Variants in EPAS1 observed in about 807,000 individuals in gnomAD.
EPAS1 encodes the protein endothelial PAS domain-containing protein 1.
A neutral mutation model predicts 87.9 loss-of-function variants in EPAS1; 23 were observed. The observed-to-expected ratio is 0.26, with a 90% CI of 0.19 to 0.37. The LOEUF (loss-of-function observed/expected upper bound fraction) is 0.37. Ranked by LOEUF, EPAS1 falls within the 10% of genes least tolerant of loss-of-function variation. EPAS1 has a pLI of 1.00. For missense variants in EPAS1, 1,138 were observed against 1,120.7 expected (o/e 1.02, Z -0.22); for synonymous variants, 508 against 444.3 (o/e 1.14, Z -1.80).
intron 1 of EPAS1, among the ~76,000 whole-genome samples, chr2:46,327,081 G>T (rs1186992641): frequency 6.6e-6 from 1 of 152,192 alleles, no homozygotes; most frequent in African/African-American, 2.4e-5. Context: ...CAGGGGCCGT[G>T]CTGACCTTGA....
chr2:46,318,427 T>C (rs1484581560), intron 1 of EPAS1, among the ~76,000 whole-genome samples: 2 of 152,208 alleles, frequency 1.3e-5, no homozygotes, highest in African/African-American at 4.8e-5. Context: ...GCACATACTA[T>C]TGGAAAAATG....
At chr2:46,310,692 A>G (rs1387431390) in intron 1 of EPAS1, among the ~76,000 whole-genome samples, 1 of 152,256 alleles carries the variant, frequency 6.6e-6, no homozygotes, top group Non-Finnish European at 1.5e-5. Context: ...ATACCTGAAC[A>G]CTGTGGGCCA....
At chr2:46,302,642 CA>C (rs1177294850) in intron 1 of EPAS1, among the ~76,000 whole-genome samples, 11 of 147,756 alleles carry the variant, frequency 7.4e-5, no homozygotes, top group Non-Finnish European at 1.6e-4. Context: ...AACTTGTATT[CA>C]ACACCGACTC....
chr2:46,319,980 G>A (rs570073748), intron 1 of EPAS1, among the ~76,000 whole-genome samples: 7 of 152,296 alleles, frequency 4.6e-5, no homozygotes, highest in Admixed American at 1.3e-4. Flanking sequence ...ATTTGGCAAC[G>A]GCAGAATGCG....
In EPAS1 at chr2:46,384,627, G is replaced by A. The variant is rs1684970596; in HGVS notation, c.2580G>A (p.Gly860=). The change falls in exon 16 of 16, where the codon GGG becomes GGA. Residue 860 remains glycine, a synonymous_variant. Coordinates refer to ENST00000263734, the MANE Select transcript of EPAS1 (RefSeq NM_001430.5). ...GAAGCTCCACGCTCCTGCAAGGAGG[G>A]GACCTCCTCAGAGCCCTGGACCAGG... ...VLGSSTLLQG[G]DLLRALDQAT 10 of 1,614,062 alleles carry A rather than the reference G, an allele frequency of 6.2e-6. No homozygotes were observed. Among genetic ancestry groups the A allele is most frequent in the Non-Finnish European group, 8.5e-6 (10 of 1,180,032 alleles).
Position 46,360,863 on chromosome 2 carries a change from G to A in EPAS1, c.574-22G>A, listed in dbSNP as rs758339194. 1 of 1,614,106 alleles carries A rather than the reference G, an allele frequency of 6.2e-7. No homozygotes were observed. Among genetic ancestry groups the A allele is most frequent in the Non-Finnish European group, 8.5e-7 (1 of 1,179,992 alleles). Reference sequence around the variant, plus strand: ...CCCCAGCACTCTCGGCTCCATGTCTGACCCTTCCACGCCTGTCTCAGGTCT... The same window carrying A: ...CCCCAGCACTCTCGGCTCCATGTCTAACCCTTCCACGCCTGTCTCAGGTCT... On this transcript the variant is annotated intron_variant, in intron 5 of 15. Transcript: ENST00000263734. This position sits in a 1 kb window ranked among gnomAD's most constrained non-coding sequence, Gnocchi z 4.5.
intron 1 of EPAS1, among the ~76,000 whole-genome samples, chr2:46,320,775 G>A (rs981715650): frequency 6.6e-6 from 1 of 152,228 alleles, no homozygotes; most frequent in Non-Finnish European, 1.5e-5. Flanking sequence ...AACTTTGTGT[G>A]AGAGTTTAGT....
At chr2:46,356,129 T>TG in intron 2 of EPAS1, 22 bp from the exon 3 acceptor site, 88 of 1,242,584 alleles carry the variant, frequency 7.1e-5, no homozygotes, top group Non-Finnish European at 9.2e-5. Flanking sequence ...ATGCAAGCTG[T>TG]CCCACCCCCC....
chr2:46,344,289 G>A (rs932424429), intron 1 of EPAS1, among the ~76,000 whole-genome samples: 20 of 152,162 alleles, frequency 1.3e-4, no homozygotes, highest in Non-Finnish European at 1.0e-4. Flanking sequence ...CCTCTTCTTC[G>A]AGGAAGGGGC....
In EPAS1 at chr2:46,382,412, T is replaced by C. The variant is rs375777028; in HGVS notation, c.2288-13T>C. 9.3e-6 allele frequency: 15 copies of C among 1,613,980 alleles called. No homozygotes were observed. The African/African-American group carries it at 1.9e-4, about 20-fold the overall frequency. On this transcript the variant is annotated splice_polypyrimidine_tract_variant and intron_variant, in intron 14 of 15. Transcript: ENST00000263734. Reference sequence around the variant, plus strand: ...GCCAATGCTACCGTCACTCTCTGACTTTGGTCTTTCAGATAAGTTCACCCA... The same window carrying C: ...GCCAATGCTACCGTCACTCTCTGACCTTGGTCTTTCAGATAAGTTCACCCA...
At chr2:46,382,163 T>C (rs895794901) in intron 14 of EPAS1, 74 bp downstream of exon 14, 70 of 1,392,042 alleles carry the variant, frequency 5.0e-5, no homozygotes, top group Non-Finnish European at 6.5e-5. Context: ...CCCATCCTGG[T>C]TCTTCCATTC....
intron 4 of EPAS1, among the ~76,000 whole-genome samples, chr2:46,358,221 A>G (rs1339051918): frequency 2.6e-5 from 4 of 152,122 alleles, no homozygotes. Flanking sequence ...CAGAATCACA[A>G]CCACCTCCTC....
chr2:46,375,524 A>T lies in EPAS1; in HGVS notation c.887-166A>T. On this transcript the variant is annotated intron_variant, in intron 7 of 15. Transcript: ENST00000263734. This position sits in a 1 kb window ranked among gnomAD's most constrained non-coding sequence, Gnocchi z 4.1. Reference sequence around the variant, plus strand: ...TTAAAATGAAGAGTTGGCTGAGGTGATCCCTAAGCTCCCTCCCAGGTCACT... The same window carrying T: ...TTAAAATGAAGAGTTGGCTGAGGTGTTCCCTAAGCTCCCTCCCAGGTCACT... 1 of 760,878 alleles carries T rather than the reference A, an allele frequency of 1.3e-6. No individual in the cohort carries two copies. Among genetic ancestry groups the T allele is most frequent in the Non-Finnish European group, 2.2e-6 (1 of 453,750 alleles). 47.1% of individuals were successfully genotyped at this position (760,878 alleles called of 1,614,324 possible).
rs1484406246 is a variant in EPAS1 at position 46,347,858 on chromosome 2, C to G, written c.217+795C>G. Among the ~76,000 whole-genome samples the G allele has an allele frequency of 6.6e-6, 1 of 152,176 alleles. No homozygotes were observed. Among genetic ancestry groups the G allele is most frequent in the Non-Finnish European group, 1.5e-5 (1 of 68,040 alleles). On this transcript the variant is annotated intron_variant, in intron 2 of 15. Transcript: ENST00000263734. The surrounding 1 kb of genome is among the most constrained non-coding windows in gnomAD (Gnocchi z 4.2). ...TAGGTGACATTCTCGTCAGGGGTGT[C>G]AGTTCTGTAAGGACGCTGGGCAACG...
intron 7 of EPAS1, among the ~76,000 whole-genome samples, chr2:46,370,617 A>C (rs116062164): frequency 0.025 from 3,834 of 152,362 alleles, 85 homozygotes; most frequent in Admixed American, 0.042. Context: ...GAGGGCTGCC[A>C]CATAGAACTT....
chr2:46,311,919 A>C (rs963033101), intron 1 of EPAS1, among the ~76,000 whole-genome samples: 1 of 152,198 alleles, frequency 6.6e-6, no homozygotes, highest in Admixed American at 6.5e-5. Context: ...TTTGTTCCTG[A>C]GTCATCTCTT....
chr2:46,359,842 T>C (rs1238307412), intron 4 of EPAS1, among the ~76,000 whole-genome samples: 2 of 152,206 alleles, frequency 1.3e-5, no homozygotes, highest in East Asian at 3.8e-4. Context: ...GGGATTCAGC[T>C]GGCACTCTTC....
chr2:46,351,600 G>A (rs1367284426), intron 2 of EPAS1, among the ~76,000 whole-genome samples: 1 of 152,196 alleles, frequency 6.6e-6, no homozygotes, highest in African/African-American at 2.4e-5. Context: ...TGGGTCAGGT[G>A]GAGGGGAGGA....
intron 1 of EPAS1, among the ~76,000 whole-genome samples, chr2:46,330,780 G>C (rs1683658640): frequency 6.6e-6 from 1 of 152,186 alleles, no homozygotes; most frequent in African/African-American, 2.4e-5. Flanking sequence ...CTGGAGTTCA[G>C]CCCCTGTTGG....
Sources: gnomAD v4.1 joint callset for allele counts (sites outside exome capture counted in the v4.1 genomes callset) on GRCh38, gnomAD v4.1.1 for gene constraint, Gnocchi (gnomAD v3.1) non-coding constraint, MANE v1.5 for transcripts, NCBI Gene and HGNC (gene_info 2026-07-23, HGNC 2026-07-21) for gene names.